Variants in UNC13B observed in about 807,000 individuals in gnomAD.
UNC13B encodes unc-13 homolog B.
A neutral mutation model predicts 211.0 loss-of-function variants in UNC13B; 144 were observed. That is an observed-to-expected ratio of 0.68 (90% confidence interval 0.60 to 0.78). The LOEUF (loss-of-function observed/expected upper bound fraction) is 0.78, where lower values mean the gene tolerates loss of function less well. Among genes scored for constraint, UNC13B ranks in the 30% least tolerant of loss-of-function variants. The pLI is 0.00. For synonymous variants in UNC13B, 709 were observed against 725.8 expected, an observed-to-expected ratio of 0.98 and a Z score of 0.37; for missense variants, 1,777 against 2,002.0, an observed-to-expected ratio of 0.89 and a Z score of 2.14.
In UNC13B at chr9:35,225,419, T is replaced by C. The variant is rs35407794; in HGVS notation, c.23-2596T>C. ...ATCCACCCACTTTGGCCTCCCAAAG[T>C]GCTGGGATTACAGGTGTGAGCCACC... On this transcript the variant is annotated intron_variant, in intron 1 of 39. Transcript: ENST00000635942. Among the ~76,000 whole-genome samples the C allele has an allele frequency of 5.9e-3, 904 of 152,348 alleles. 3 individuals are homozygous for C. Among genetic ancestry groups the C allele is most frequent in the Non-Finnish European group, 8.9e-3 (607 of 68,032 alleles).
chr9:35,310,775 A>C lies in UNC13B; in HGVS notation c.9317A>C (p.Gln3106Pro), dbSNP rs771751002. Residue 3106 changes from glutamine (Q) to proline (P), a missense_variant, in exon 10 of 40, where the codon CAG (glutamine) becomes CCG (proline). Gln to Pro is a moderately conservative substitution (Grantham distance 76). Coordinates refer to ENST00000635942, the MANE Select transcript of UNC13B (RefSeq NM_001371189.2). ...CAAAAAGACCACTTCCTAGGTCCCC[A>C]GGAGAGGTAGGCAACAGCTGCCTTG... ...VLQKDHFLGP[Q>P]ESFPEENASS... The C allele has an allele frequency of 4.3e-6, 7 of 1,612,794 alleles. No homozygotes were observed. The Admixed American group carries it at 1.2e-4, about 27-fold the overall frequency.
At chr9:35,277,938 G>A (rs1023793623) in intron 7 of UNC13B, among the ~76,000 whole-genome samples, 1 of 152,008 alleles carries the variant, frequency 6.6e-6, no homozygotes, top group African/African-American at 2.4e-5. Flanking sequence ...ATAAATAAAT[G>A]GTTAAGAATG....
chr9:35,323,839 C>T (rs1041618365), intron 11 of UNC13B, among the ~76,000 whole-genome samples: 1 of 152,086 alleles, frequency 6.6e-6, no homozygotes, highest in Admixed American at 6.6e-5. Context: ...CTACAGCCAC[C>T]TTCCTTGTTG....
Position 35,302,277 on chromosome 9 carries a change from C to T in UNC13B, c.2873C>T (p.Pro958Leu), listed in dbSNP as rs1829723232. 2.5e-6 allele frequency: 1 copy of T among 398,512 alleles called. No individual in the cohort carries two copies. The highest frequency in any genetic ancestry group is 2.1e-5 in the African/African-American group (1 of 48,698). The allele number at this position is 398,512 out of a possible 1,614,324, so 24.7% of individuals were successfully genotyped here. Residue 958 changes from proline to leucine, a missense_variant, in exon 9 of 40, where the codon CCT becomes CTT. Transcript: ENST00000635942. ...EFKKNDQINCPEDAKLNSIKS... is the reference protein window; with the variant it reads ...EFKKNDQINCLEDAKLNSIKS... ...AAAAAGAATGACCAGATAAATTGTC[C>T]TGAAGATGCCAAACTTAATTCAATA...
At chr9:35,398,852 G>A in intron 32 of UNC13B, 30 bp from the exon 33 acceptor site, 1 of 1,602,816 alleles carries the variant, frequency 6.2e-7, no homozygotes, top group South Asian at 1.1e-5. Flanking sequence ...GTTTGGGGAG[G>A]GAAAGGCTAC....
intron 27 of UNC13B, 45 bp downstream of exon 27, chr9:35,396,647 G>A: frequency 4.3e-6 from 7 of 1,611,392 alleles, no homozygotes; most frequent in Non-Finnish European, 5.9e-6. Context: ...AGCCCTCTGG[G>A]TGGGCAGGGC....
At chr9:35,383,630 G>A (rs950381405) in intron 21 of UNC13B, among the ~76,000 whole-genome samples, 31 of 151,970 alleles carry the variant, frequency 2.0e-4, no homozygotes, top group African/African-American at 5.8e-4. Context: ...ATGATTCCAC[G>A]TTTAATTATA....
At chr9:35,222,766 T>C (rs1824632684) in intron 1 of UNC13B, among the ~76,000 whole-genome samples, 1 of 152,234 alleles carries the variant, frequency 6.6e-6, no homozygotes, top group South Asian at 2.1e-4. Context: ...TTGATAACTA[T>C]AATCACCCCA....
intron 11 of UNC13B, among the ~76,000 whole-genome samples, chr9:35,359,245 A>T (rs889306133): frequency 4.6e-5 from 7 of 151,946 alleles, no homozygotes; most frequent in African/African-American, 1.7e-4. Flanking sequence ...CACTTTCTTC[A>T]TTTGGCTTCC....
intron 9 of UNC13B, among the ~76,000 whole-genome samples, chr9:35,310,193 A>G (rs1214489833): frequency 6.6e-6 from 1 of 152,234 alleles, no homozygotes; most frequent in Non-Finnish European, 1.5e-5. Context: ...CCTACTCACA[A>G]ATAGCCTATT....
chr9:35,278,924 C>G (rs1828327392), intron 7 of UNC13B, among the ~76,000 whole-genome samples: 1 of 151,870 alleles, frequency 6.6e-6, no homozygotes, highest in Non-Finnish European at 1.5e-5. Context: ...ATATATATTC[C>G]CCCACCCCCA....
intron 7 of UNC13B, among the ~76,000 whole-genome samples, chr9:35,271,009 T>C (rs1432786476): frequency 1.3e-5 from 2 of 151,860 alleles, no homozygotes; most frequent in African/African-American, 2.4e-5. Context: ...TGTGGTGGTG[T>C]ACACCTGTAG....
At chr9:35,316,628 T>A (rs1341922415) in intron 11 of UNC13B, among the ~76,000 whole-genome samples, 2 of 152,196 alleles carry the variant, frequency 1.3e-5, no homozygotes, top group African/African-American at 4.8e-5. Flanking sequence ...AGATTTTCAA[T>A]GAGTTTTGAA....
At chr9:35,240,164 G>C (rs370994180) in intron 5 of UNC13B, among the ~76,000 whole-genome samples, 32 of 152,322 alleles carry the variant, frequency 2.1e-4, no homozygotes, top group African/African-American at 6.5e-4. Flanking sequence ...ACTAATAAAT[G>C]TCCATGAAAT....
intron 35 of UNC13B, 93 bp downstream of exon 35, chr9:35,399,541 A>G (rs879051176): frequency 1.9e-6 from 3 of 1,603,666 alleles, no homozygotes; most frequent in East Asian, 2.2e-5. Context: ...AGCTTTGGAG[A>G]CTGAAGAGGA....
intron 1 of UNC13B, among the ~76,000 whole-genome samples, chr9:35,206,581 A>G (rs1587372183): frequency 3.3e-5 from 5 of 152,264 alleles, no homozygotes; most frequent in African/African-American, 1.2e-4. Context: ...GAATAATACC[A>G]TAGTGTAGGC....
At chr9:35,191,335 A>G (rs1168970967) in intron 1 of UNC13B, among the ~76,000 whole-genome samples, 1 of 152,214 alleles carries the variant, frequency 6.6e-6, no homozygotes, top group Admixed American at 6.5e-5. Flanking sequence ...GAAAGAGATC[A>G]GACCCAACCA....
intron 25 of UNC13B, 45 bp from the exon 26 acceptor site, chr9:35,390,584 T>C (rs559397743): frequency 1.3e-6 from 2 of 1,594,894 alleles, no homozygotes; most frequent in East Asian, 2.2e-5. Context: ...TCAAATCAAA[T>C]GGCTCTTGCC....
chr9:35,376,273 G>T lies in UNC13B; in HGVS notation c.9835+26G>T, dbSNP rs142814089. 3 of 1,606,974 alleles carry T rather than the reference G, an allele frequency of 1.9e-6. No homozygotes were observed. In the East Asian group the frequency reaches 6.7e-5, roughly 36 times the overall value. On this transcript the variant is annotated intron_variant, in intron 15 of 39. Transcript: ENST00000635942. ...GTGAGTGCCCTGCGGGATGAGGGGC[G>T]GGGAGTGGGGCAGCAGGGGCTTTCC...
Sources: gnomAD v4.1 joint callset for allele counts (sites outside exome capture counted in the v4.1 genomes callset) on GRCh38, gnomAD v4.1.1 for gene constraint, MANE v1.5 for transcripts, NCBI Gene and HGNC (gene_info 2026-07-23, HGNC 2026-07-21) for gene names.